The following TCAIM variants were observed in gnomAD, a reference collection of about 807,000 sequenced individuals.
TCAIM encodes the protein T cell activation inhibitor, mitochondrial.
A neutral mutation model predicts 58.6 loss-of-function variants in TCAIM; 36 were observed. That is an observed-to-expected ratio of 0.61 (90% CI 0.47 to 0.81). The LOEUF (loss-of-function observed/expected upper bound fraction) is 0.81. Ranked by LOEUF, TCAIM falls within the 30% of genes least tolerant of loss-of-function variation. The probability of loss-of-function intolerance (pLI) is 0.00; values close to 1 mark genes in which losing one functional copy is unlikely to be tolerated. For synonymous variants in TCAIM, 172 were observed against 193.6 expected, an observed-to-expected ratio of 0.89 and a Z score of 0.93; for missense variants, 466 against 579.6, an observed-to-expected ratio of 0.80 and a Z score of 2.01.
intron 3 of TCAIM, among the ~76,000 whole-genome samples, chr3:44,360,906 C>A (rs1701285743): frequency 6.6e-6 from 1 of 152,176 alleles, no homozygotes; most frequent in Non-Finnish European, 1.5e-5. Flanking sequence ...CCACGTCCAG[C>A]CTTCTTGTGT....
At chr3:44,372,354 A>G (rs1575257635) in intron 5 of TCAIM, among the ~76,000 whole-genome samples, 2 of 152,196 alleles carry the variant, frequency 1.3e-5, no homozygotes, top group African/African-American at 4.8e-5. Flanking sequence ...CATGGTGCCT[A>G]TAAGTCTACT....
At chr3:44,388,708 G>A (rs932627482) in intron 5 of TCAIM, among the ~76,000 whole-genome samples, 2 of 152,018 alleles carry the variant, frequency 1.3e-5, no homozygotes, top group Admixed American at 1.3e-4. Flanking sequence ...TACTCTGCTG[G>A]TTGCCACGTG....
chr3:44,381,378 CTAGAA>C (rs1317603161), intron 5 of TCAIM, among the ~76,000 whole-genome samples: 4 of 151,956 alleles, frequency 2.6e-5, no homozygotes, highest in Non-Finnish European at 4.4e-5. Context: ...TTTAAATCAT[CTAGAA>C]TGATCATGAT....
rs1421353335 is a variant in TCAIM at position 44,366,712 on chromosome 3, C to T, written c.320-744C>T. 1.1e-4 allele frequency among the ~76,000 whole-genome samples: 16 copies of T among 151,780 alleles called. 1 individual carries two copies. Among genetic ancestry groups the T allele is most frequent in the Admixed American group, 7.9e-4 (12 of 15,228 alleles). On this transcript the variant is annotated intron_variant, in intron 4 of 10. Coordinates refer to ENST00000342649, the MANE Select transcript of TCAIM (RefSeq NM_173826.4). ...CGATCTCCTGACCTTGTGATCCGCC[C>T]GCCTCGGCCTCCCAAAGTGCTGGGA...
In TCAIM at chr3:44,392,870, CA is replaced by C; in HGVS notation, c.590del (p.Asn197MetfsTer9). ...CTCTTTCTAGATCCTGGTTAGATAA[CA>C]ATGGGAAAAGTGCTGTTAAAAAGCT... ...ETTLTSWLDN[N>X]GKSAVKKLKN... On this transcript the variant is annotated frameshift_variant, in exon 6 of 11. Coordinates refer to ENST00000342649, the MANE Select transcript of TCAIM (RefSeq NM_173826.4). LOFTEE classifies it high-confidence loss of function. The C allele has an allele frequency of 6.2e-7, 1 of 1,612,616 alleles. No homozygotes were observed.
intron 4 of TCAIM, among the ~76,000 whole-genome samples, chr3:44,364,898 A>G (rs751103998): frequency 4.6e-5 from 7 of 152,212 alleles, no homozygotes; most frequent in Non-Finnish European, 1.0e-4. Flanking sequence ...GGGTATATAA[A>G]TTAGTGCAAA....
chr3:44,388,715 C>T (rs1476072398), intron 5 of TCAIM, among the ~76,000 whole-genome samples: 1 of 152,152 alleles, frequency 6.6e-6, no homozygotes, highest in Non-Finnish European at 1.5e-5. Context: ...CTGGTTGCCA[C>T]GTGTTGATTT....
At chr3:44,363,720 G>C (rs373628647) in intron 4 of TCAIM, among the ~76,000 whole-genome samples, 1 of 152,254 alleles carries the variant, frequency 6.6e-6, no homozygotes. Flanking sequence ...GCTGTAGCCA[G>C]CTCTGGCTGA....
At chr3:44,347,425 G>A (rs1700993161) in intron 1 of TCAIM, among the ~76,000 whole-genome samples, 1 of 152,226 alleles carries the variant, frequency 6.6e-6, no homozygotes, top group Non-Finnish European at 1.5e-5. Flanking sequence ...GTAAGTTGCT[G>A]AGACTGATGG....
chr3:44,359,062 A>G (rs924190557), intron 3 of TCAIM: 18 of 983,126 alleles, frequency 1.8e-5, no homozygotes, highest in Non-Finnish European at 2.1e-5. Context: ...ATACTTTAAT[A>G]TTATTCTACC....
chr3:44,355,916 A>C (rs1372041557), intron 2 of TCAIM, among the ~76,000 whole-genome samples: 1 of 152,214 alleles, frequency 6.6e-6, no homozygotes, highest in Admixed American at 6.5e-5. Flanking sequence ...GGAAGCTCAG[A>C]GGGATAAGTG....
upstream of TCAIM, chr3:44,338,506 C>CA (rs1166728891): frequency 8.5e-5 from 13 of 152,682 alleles, no homozygotes; most frequent in African/African-American, 2.9e-4. Context: ...GCTCGTCCCC[C>CA]TGCCCGGGCT....
In TCAIM at chr3:44,401,308, AAG is replaced by A; in HGVS notation, c.1230_1231del (p.Asn411HisfsTer11). On this transcript the variant is annotated frameshift_variant, in exon 10 of 11. Coordinates refer to ENST00000342649, the MANE Select transcript of TCAIM (RefSeq NM_173826.4). LOFTEE classifies it high-confidence loss of function. ...WFILTKAQQA[R>X]ENMKRKEELK... ...TTATTCTCACCAAAGCTCAGCAGGC[AAG>A]AGAGAACATGAAAAGAAAGGAAGAG... 1.9e-6 allele frequency: 3 copies of A among 1,614,086 alleles called. No individual in the cohort carries two copies. Among genetic ancestry groups the A allele is most frequent in the Non-Finnish European group, 2.5e-6 (3 of 1,179,976 alleles).
Position 44,407,741 on chromosome 3 carries a change from T to A in TCAIM, c.*59T>A, listed in dbSNP as rs950776175. ...GAAAGGAACTTAAATTAAAAATATT[T>A]AAATCCACAATTTGATATAACAGTA... On this transcript the variant is annotated 3_prime_UTR_variant, in exon 11 of 11. Transcript: ENST00000342649. 4 of 1,455,236 alleles carry A rather than the reference T, an allele frequency of 2.7e-6. No individual in the cohort carries two copies. In the African/African-American group the frequency reaches 4.3e-5, roughly 16 times the overall value. 90.1% of individuals were successfully genotyped at this position (1,455,236 alleles called of 1,614,324 possible).
At chr3:44,355,600 C>T (rs550367729) in intron 2 of TCAIM, among the ~76,000 whole-genome samples, 1 of 152,064 alleles carries the variant, frequency 6.6e-6, no homozygotes, top group Non-Finnish European at 1.5e-5. Flanking sequence ...TAATTGATAG[C>T]AGAGAAAGTG....
At chr3:44,370,371 G>A (rs1478939666) in intron 5 of TCAIM, among the ~76,000 whole-genome samples, 3 of 150,860 alleles carry the variant, frequency 2.0e-5, no homozygotes, top group Non-Finnish European at 2.9e-5. Context: ...CAGGAGAATC[G>A]CTTGAACCGG....
chr3:44,367,951 G>T, intron 5 of TCAIM: 3 of 377,810 alleles, frequency 7.9e-6, no homozygotes, highest in South Asian at 5.7e-5. Flanking sequence ...TTAAAGTTGT[G>T]GTCTTTTGAT....
chr3:44,401,389 C>T lies in TCAIM; in HGVS notation c.1250+55C>T, dbSNP rs182968908. 6,573 of 1,602,288 alleles carry T rather than the reference C, an allele frequency of 4.1e-3. 28 individuals are homozygous for T. Among genetic ancestry groups the T allele is most frequent in the Non-Finnish European group, 5.0e-3 (5,916 of 1,174,328 alleles). ...GATCATTCAGTCTAACTGAAAACCT[C>T]AGATATTTGGAACTCATAAATATGG... On this transcript the variant is annotated intron_variant, in intron 10 of 10. Transcript: ENST00000342649.
rs966387748 is a variant in TCAIM at position 44,357,432 on chromosome 3, G to A, written c.30-309G>A. ...ATTGGATATTAAGATTTTTTGATCT[G>A]AATAAGAAACTTATAAAGAAAATTG... On this transcript the variant is annotated intron_variant, in intron 2 of 10. Transcript: ENST00000342649. 4.6e-5 allele frequency among the ~76,000 whole-genome samples: 7 copies of A among 152,258 alleles called. No individual in the cohort carries two copies. In the South Asian group the frequency reaches 8.3e-4, roughly 18 times the overall value.
Sources: allele counts gnomAD v4.1 joint callset (sites outside exome capture counted in the v4.1 genomes callset), GRCh38; gene constraint gnomAD v4.1.1; transcripts MANE v1.5; gene names NCBI Gene and HGNC (gene_info 2026-07-23, HGNC 2026-07-21).